Variants in GAS6 observed in about 807,000 individuals in gnomAD.
GAS6 encodes the protein growth arrest-specific protein 6.
A neutral mutation model predicts 75.8 loss-of-function variants in GAS6; 41 were observed. That is an observed-to-expected ratio of 0.54 (90% CI 0.42 to 0.70). The LOEUF is 0.70. Among genes scored for constraint, GAS6 ranks in the 30% least tolerant of loss-of-function variants. The pLI, the probability that GAS6 is intolerant of heterozygous loss-of-function variation, is 0.00. For missense variants in GAS6, 854 were observed against 940.2 expected (o/e 0.91, Z 1.20); for synonymous variants, 432 against 412.6 (o/e 1.05, Z -0.57).
intron 12 of GAS6, among the ~76,000 whole-genome samples, chr13:113,826,460 G>A (rs1411212602): frequency 6.6e-4 from 63 of 96,154 alleles, no homozygotes; most frequent in African/African-American, 1.7e-3. Context: ...GCCTCCCGGC[G>A]CCGGCCTCGC....
rs766387009 is a variant in GAS6, at chr13:113,828,639, C to T, written c.1216G>A (p.Ala406Thr). Residue 406 changes from alanine to threonine, a missense_variant, in exon 11 of 15, where the codon GCC becomes ACC. Ala to Thr is a moderately conservative substitution (Grantham distance 58). Coordinates refer to ENST00000327773, the MANE Select transcript of GAS6 (RefSeq NM_000820.4). ...CGCTCCGGTTGGAACAAGTCCCCGG[C>T]CACCGCGATTTTCATGACAGCATCC... Reference protein sequence around the residue: ...NRDAVMKIAVAGDLFQPERGL... With the variant: ...NRDAVMKIAVTGDLFQPERGL... 18 of 1,613,528 alleles carry T rather than the reference C, an allele frequency of 1.1e-5. No homozygotes were observed. The highest frequency in any genetic ancestry group is 1.5e-5 in the Non-Finnish European group (18 of 1,180,012).
chr13:113,823,217 G>C, intron 13 of GAS6, 158 bp downstream of exon 13: 1 of 766,722 alleles, frequency 1.3e-6, no homozygotes, highest in South Asian at 2.1e-5. Context: ...AGCCCGAAGC[G>C]TGGCCCACGC....
rs2051729332 is a variant in GAS6, at chr13:113,837,462, G to A, written c.589+607C>T. ...TGTCCAGATACAACGTGGGGAGGGAGGAGGAAGGTGCTCCCCCTGCAAAGT... is the reference window on the plus strand; with the variant it reads ...TGTCCAGATACAACGTGGGGAGGGAAGAGGAAGGTGCTCCCCCTGCAAAGT... On this transcript the variant is annotated intron_variant, in intron 6 of 14. Transcript: ENST00000327773. The surrounding 1 kb of genome is among the most constrained non-coding windows in gnomAD (Gnocchi z 5.1). 1.3e-5 allele frequency among the ~76,000 whole-genome samples: 2 copies of A among 152,124 alleles called. No individual in the cohort carries two copies. The highest frequency in any genetic ancestry group is 1.3e-4 in the Admixed American group (2 of 15,276).
At chr13:113,839,871 G>GA in intron 4 of GAS6, 21 bp from the exon 5 acceptor site, 1 of 1,613,414 alleles carries the variant, frequency 6.2e-7, no homozygotes, top group East Asian at 2.2e-5. Flanking sequence ...ACACAAAGTG[G>GA]AAAATCATGT....
Position 113,863,541 on chromosome 13 carries a change from G to A in GAS6, c.255+34C>T, listed in dbSNP as rs1008652734. On this transcript the variant is annotated intron_variant, in intron 2 of 14. Coordinates refer to ENST00000327773, the MANE Select transcript of GAS6 (RefSeq NM_000820.4). The surrounding 1 kb of genome is among the most constrained non-coding windows in gnomAD (Gnocchi z 9.4). The stretch of plus-strand genomic sequence containing the variant: ...GCGGTTGGAGGCGCGCGGGCGCCAG[G>A]GGTTCCCCCGCATCCCGCCCGCCGG... The A allele has an allele frequency of 1.3e-6, 2 of 1,490,616 alleles. No individual in the cohort carries two copies. Among genetic ancestry groups the A allele is most frequent in the Non-Finnish European group, 1.8e-6 (2 of 1,126,096 alleles). The allele number at this position is 1,490,616 out of a possible 1,614,324, so 92.3% of individuals were successfully genotyped here. A position where few individuals can be genotyped will look rare whatever the true frequency, so the allele number is the denominator to read the frequency against.
At position 113,827,064 on chromosome 13, in the gene GAS6, C is replaced by T; in HGVS notation, c.1409G>A (p.Cys470Tyr). ...AGAGCCTCTCTCCGTCACCGAGAAGCACTGCATCCTCGTGTTCACTTTCAC... is the reference window on the plus strand; with the variant it reads ...AGAGCCTCTCTCCGTCACCGAGAAGTACTGCATCCTCGTGTTCACTTTCAC... ...ETVKVNTRMQ[C>Y]FSVTERGSFY... The change falls in exon 12 of 15, where the codon TGC (cysteine) becomes TAC (tyrosine). Residue 470 changes from cysteine (C) to tyrosine (Y), a missense_variant. Coordinates refer to ENST00000327773, the MANE Select transcript of GAS6 (RefSeq NM_000820.4). 1.9e-6 allele frequency: 3 copies of T among 1,613,632 alleles called. No homozygotes were observed. The highest frequency in any genetic ancestry group is 2.5e-6 in the Non-Finnish European group (3 of 1,179,982).
intron 9 of GAS6, 28 bp from the exon 10 acceptor site, chr13:113,832,516 G>A (rs2051641638): frequency 6.3e-7 from 1 of 1,594,118 alleles, no homozygotes; most frequent in African/African-American, 1.3e-5. Context: ...AAATGAGTCA[G>A]CACTGGGCAC....
At chr13:113,822,259 C>A (rs537195128) in intron 13 of GAS6, 73 bp from the exon 14 acceptor site, 4 of 1,209,706 alleles carry the variant, frequency 3.3e-6, no homozygotes, top group East Asian at 5.3e-5. Context: ...AGCTGGTCCT[C>A]ACAGCTGCTG....
Position 113,863,564 on chromosome 13 carries a change from C to T in GAS6, c.255+11G>A. Reference sequence around the variant, plus strand: ...AGGGGTTCCCCCGCATCCCGCCCGCCGGCTGCTCACCGTCTCGGGGTCGTT... The same window carrying T: ...AGGGGTTCCCCCGCATCCCGCCCGCTGGCTGCTCACCGTCTCGGGGTCGTT... On this transcript the variant is annotated intron_variant, in intron 2 of 14. Transcript: ENST00000327773. The surrounding 1 kb of genome is among the most constrained non-coding windows in gnomAD (Gnocchi z 9.4). 2.0e-6 allele frequency: 3 copies of T among 1,503,292 alleles called. No individual in the cohort carries two copies. The highest frequency in any genetic ancestry group is 2.7e-6 in the Non-Finnish European group (3 of 1,130,178). The allele number at this position is 1,503,292 out of a possible 1,614,324, so 93.1% of individuals were successfully genotyped here.
At chr13:113,835,273 G>A (rs567721724) in intron 7 of GAS6, among the ~76,000 whole-genome samples, 16 of 152,370 alleles carry the variant, frequency 1.1e-4, no homozygotes, top group Admixed American at 2.6e-4. Flanking sequence ...GTGTACATGC[G>A]GTGTATATGC....
chr13:113,830,030 A>G (rs2051610692), intron 10 of GAS6, among the ~76,000 whole-genome samples: 1 of 152,252 alleles, frequency 6.6e-6, no homozygotes, highest in African/African-American at 2.4e-5. Flanking sequence ...GTCCCTGCTC[A>G]TCATCTGGGC....
intron 14 of GAS6, 35 bp from the exon 15 acceptor site, chr13:113,821,053 C>A: frequency 6.3e-7 from 1 of 1,597,570 alleles, no homozygotes; most frequent in Non-Finnish European, 8.6e-7. Context: ...TATCTTAGCT[C>A]ACCACGTGGC....
At chr13:113,828,251 A>G (rs199548597) in intron 11 of GAS6, among the ~76,000 whole-genome samples, 142 of 151,496 alleles carry the variant, frequency 9.4e-4, no homozygotes, top group Middle Eastern at 3.4e-3. Context: ...GCAACAGAGC[A>G]AGACTCCGTC....
intron 2 of GAS6, among the ~76,000 whole-genome samples, chr13:113,858,498 T>C (rs2051933170): frequency 7.5e-6 from 1 of 133,814 alleles, no homozygotes; most frequent in South Asian, 3.0e-4. Flanking sequence ...TATGCATGTC[T>C]GTGTGTGACT....
chr13:113,835,962 C>T (rs2051698102), intron 6 of GAS6: 2 of 1,105,324 alleles, frequency 1.8e-6, no homozygotes, highest in East Asian at 5.2e-5. Flanking sequence ...CTACAGGACA[C>T]GGGGCCGTAA....
chr13:113,840,738 G>A, intron 4 of GAS6: 1 of 152,262 alleles, frequency 6.6e-6, no homozygotes, highest in Non-Finnish European at 1.5e-5. Context: ...AGCAGAAGCA[G>A]CTCGGGGCTG....
At chr13:113,842,142 T>C (rs1228123930) in intron 4 of GAS6, 25 of 125,250 alleles carry the variant, frequency 2.0e-4, no homozygotes, top group African/African-American at 8.8e-4. Context: ...CTCTGTATGC[T>C]TCAGTTTCCT....
chr13:113,837,281 G>C lies in GAS6; in HGVS notation c.589+788C>G, dbSNP rs1477149618. Reference sequence around the variant, plus strand: ...GCTGCCTTTTGAAATCGGGGGATGGGGTGTGGCCCCTCCTGTCTGGTCAGA... The same window carrying C: ...GCTGCCTTTTGAAATCGGGGGATGGCGTGTGGCCCCTCCTGTCTGGTCAGA... On this transcript the variant is annotated intron_variant, in intron 6 of 14. Coordinates refer to ENST00000327773, the MANE Select transcript of GAS6 (RefSeq NM_000820.4). This position sits in a 1 kb window ranked among gnomAD's most constrained non-coding sequence, Gnocchi z 5.1. Among the ~76,000 whole-genome samples, 4 of 152,050 alleles carry C rather than the reference G, an allele frequency of 2.6e-5. No individual in the cohort carries two copies. The highest frequency in any genetic ancestry group is 9.7e-5 in the African/African-American group (4 of 41,374).
Position 113,822,035 on chromosome 13 carries a change from G to A in GAS6, c.1805C>T (p.Ala602Val), listed in dbSNP as rs764747945. The A allele has an allele frequency of 2.7e-5, 42 of 1,574,770 alleles. No homozygotes were observed. Among genetic ancestry groups the A allele is most frequent in the South Asian group, 2.4e-4 (21 of 85,884 alleles). ...GTRGQSEVSA[A>V]QLQERLAVLE... is the part of the protein sequence containing the mutation. ...CACGGCCAGCCTCTCCTGCAGCTGCGCGGCGCTCACCTCGCTCTGGCCCCT... is the reference window on the plus strand; with the variant it reads ...CACGGCCAGCCTCTCCTGCAGCTGCACGGCGCTCACCTCGCTCTGGCCCCT... The change falls in exon 14 of 15, where the codon GCG (alanine) becomes GTG (valine). Residue 602 changes from alanine to valine, a missense_variant. By Grantham distance (64) the Ala-to-Val change is moderately conservative. Transcript: ENST00000327773.
Sources: gnomAD v4.1 joint callset for allele counts (sites outside exome capture counted in the v4.1 genomes callset) on GRCh38, gnomAD v4.1.1 for gene constraint, Gnocchi (gnomAD v3.1) non-coding constraint, MANE v1.5 for transcripts, NCBI Gene and HGNC (gene_info 2026-07-23, HGNC 2026-07-21) for gene names.